Variants in THSD7A observed in about 807,000 individuals in gnomAD.
THSD7A encodes the protein thrombospondin type-1 domain-containing protein 7A.
A neutral mutation model predicts 231.3 loss-of-function variants in THSD7A; 96 were observed. That is an observed-to-expected ratio of 0.41 (90% CI 0.35 to 0.49). THSD7A has a LOEUF of 0.49. THSD7A is among the 20% of genes least tolerant of loss of function. THSD7A has a pLI of 0.05. For missense variants in THSD7A, 2,290 were observed against 2,070.2 expected, an observed-to-expected ratio of 1.11 and a Z score of -2.06; for synonymous variants, 940 against 743.3, an observed-to-expected ratio of 1.26 and a Z score of -4.30.
intron 1 of THSD7A, among the ~76,000 whole-genome samples, chr7:11,683,773 TAGGC>T (rs1247522121): frequency 9.2e-5 from 14 of 151,958 alleles, no homozygotes; most frequent in Admixed American, 7.9e-4. Context: ...GATGAATTCA[TAGGC>T]AAATTCTACC....
At chr7:11,702,336 G>A (rs1283181316) in intron 1 of THSD7A, among the ~76,000 whole-genome samples, 2 of 151,096 alleles carry the variant, frequency 1.3e-5, no homozygotes, top group Non-Finnish European at 3.0e-5. Flanking sequence ...TCAAATTGTC[G>A]ACAGCATCAA....
intron 1 of THSD7A, among the ~76,000 whole-genome samples, chr7:11,642,532 G>A (rs996775417): frequency 1.3e-5 from 2 of 152,092 alleles, no homozygotes; most frequent in Admixed American, 1.3e-4. Context: ...CACTTAGCTT[G>A]ACAGATTTTA....
chr7:11,451,042 A>C (rs575512853), intron 11 of THSD7A, among the ~76,000 whole-genome samples: 2 of 152,212 alleles, frequency 1.3e-5, no homozygotes, highest in African/African-American at 2.4e-5. Context: ...GACTGAAAGC[A>C]CGGGAAGAAT....
At chr7:11,692,223 G>T (rs1780254411) in intron 1 of THSD7A, among the ~76,000 whole-genome samples, 1 of 151,526 alleles carries the variant, frequency 6.6e-6, no homozygotes, top group Non-Finnish European at 1.5e-5. Context: ...CAGGTATTTG[G>T]ATTGGGCATA....
chr7:11,521,400 T>C (rs1317729372), intron 6 of THSD7A, among the ~76,000 whole-genome samples: 1 of 151,938 alleles, frequency 6.6e-6, no homozygotes, highest in Non-Finnish European at 1.5e-5. Flanking sequence ...TGATTTCTAA[T>C]ATAGAACTCT....
intron 4 of THSD7A, among the ~76,000 whole-genome samples, chr7:11,547,389 G>A (rs375344271): frequency 6.6e-6 from 1 of 152,150 alleles, no homozygotes; most frequent in African/African-American, 2.4e-5. Context: ...CCAACTGTAC[G>A]CTATCTTAAG....
rs1042762941 is a variant in THSD7A, at chr7:11,370,592, G to A, written c.*5202C>T. The A allele has an allele frequency of 3.9e-5, 6 of 152,050 alleles. No individual in the cohort carries two copies. Among genetic ancestry groups the A allele is most frequent in the African/African-American group, 1.4e-4 (6 of 41,410 alleles). 9.4% of individuals were successfully genotyped at this position (152,050 alleles called of 1,614,324 possible). A position where few individuals can be genotyped will look rare whatever the true frequency, so the allele number is the denominator to read the frequency against. ...ATTATTTGCAAATCTGTAGTTAATT[G>A]TACATAGACATTTTGTGCGTTAAAA... On this transcript the variant is annotated 3_prime_UTR_variant, in exon 28 of 28. Coordinates refer to ENST00000423059, the MANE Select transcript of THSD7A (RefSeq NM_015204.3).
intron 1 of THSD7A, chr7:11,821,416 T>C (rs899274632): frequency 4.0e-5 from 12 of 303,256 alleles, no homozygotes; most frequent in African/African-American, 9.7e-5. Flanking sequence ...TTTTCTTTTA[T>C]TTTTTTAGGC....
At chr7:11,396,445 A>C (rs1034709985) in intron 23 of THSD7A, among the ~76,000 whole-genome samples, 3 of 152,212 alleles carry the variant, frequency 2.0e-5, no homozygotes, top group Non-Finnish European at 4.4e-5. Context: ...AAAATGATAA[A>C]GGGGATATCA....
intron 1 of THSD7A, among the ~76,000 whole-genome samples, chr7:11,714,228 G>C (rs1380852735): frequency 1.3e-5 from 2 of 151,138 alleles, no homozygotes; most frequent in African/African-American, 4.8e-5. Flanking sequence ...GTGTTTAAAA[G>C]TATGTGCTAT....
At chr7:11,774,273 G>T (rs535749116) in intron 1 of THSD7A, among the ~76,000 whole-genome samples, 2 of 152,090 alleles carry the variant, frequency 1.3e-5, no homozygotes, top group Admixed American at 6.6e-5. Context: ...TTTATATAAG[G>T]TATTAACAAT....
At chr7:11,666,864 T>G (rs1783155754) in intron 1 of THSD7A, among the ~76,000 whole-genome samples, 1 of 152,052 alleles carries the variant, frequency 6.6e-6, no homozygotes, top group Non-Finnish European at 1.5e-5. Flanking sequence ...ATTTGAAATT[T>G]TATTACCAAT....
chr7:11,532,110 C>T (rs1275080317), intron 6 of THSD7A, among the ~76,000 whole-genome samples: 1 of 151,872 alleles, frequency 6.6e-6, no homozygotes, highest in East Asian at 1.9e-4. Context: ...AGAAAAGATG[C>T]CAGTCTAGTC....
At position 11,750,479 on chromosome 7, in the gene THSD7A, T is replaced by C. The variant is rs528711623; in HGVS notation, c.190+81278A>G. Among the ~76,000 whole-genome samples the C allele has an allele frequency of 3.3e-5, 5 of 152,114 alleles. No individual in the cohort carries two copies. In the South Asian group the frequency reaches 1.0e-3, roughly 32 times the overall value. On this transcript the variant is annotated intron_variant, in intron 1 of 27. Transcript: ENST00000423059. ...GCTTAAAGCTTGTTCCCTTTTTTAA[T>C]TGTAACATTGGTCCTGAAAGCTCAT...
At chr7:11,538,163 A>C (rs538686070) in intron 6 of THSD7A, among the ~76,000 whole-genome samples, 1 of 152,346 alleles carries the variant, frequency 6.6e-6, no homozygotes, top group South Asian at 2.1e-4. Context: ...AATGTGGGGA[A>C]AAGAAAAGGA....
intron 1 of THSD7A, among the ~76,000 whole-genome samples, chr7:11,761,563 G>A (rs921000442): frequency 2.0e-5 from 3 of 151,970 alleles, no homozygotes; most frequent in African/African-American, 7.2e-5. Flanking sequence ...TACATGTATA[G>A]TGTTTTCAAG....
At chr7:11,380,506 G>T (rs112756499) in intron 24 of THSD7A, among the ~76,000 whole-genome samples, 1 of 151,990 alleles carries the variant, frequency 6.6e-6, no homozygotes, top group Non-Finnish European at 1.5e-5. Context: ...AATCACAGGC[G>T]CCTATTGCTA....
chr7:11,703,996 TA>T (rs1562489196), intron 1 of THSD7A, among the ~76,000 whole-genome samples: 2 of 151,216 alleles, frequency 1.3e-5, no homozygotes, highest in Admixed American at 1.3e-4. Flanking sequence ...GGTTTCAGAA[TA>T]CATTAGATTA....
At chr7:11,539,026 C>T (rs1287632565) in intron 6 of THSD7A, among the ~76,000 whole-genome samples, 1 of 152,180 alleles carries the variant, frequency 6.6e-6, no homozygotes, top group Non-Finnish European at 1.5e-5. Context: ...ATGCTTCATG[C>T]CCCTAGTCGA....
Sources: gnomAD v4.1 joint callset for allele counts (sites outside exome capture counted in the v4.1 genomes callset) on GRCh38, gnomAD v4.1.1 for gene constraint, MANE v1.5 for transcripts, NCBI Gene and HGNC (gene_info 2026-07-23, HGNC 2026-07-21) for gene names.